The following UNC79 variants were observed in gnomAD, a reference collection of about 807,000 sequenced individuals.
UNC79 encodes unc-79 subunit of NALCN channel complex, also known as protein unc-79 homolog.
UNC79 carries 37 observed loss-of-function variants against 283.1 expected under a neutral mutation model. The observed-to-expected ratio is 0.13, with a 90% CI of 0.10 to 0.17. The LOEUF is 0.17. Ranked by LOEUF, UNC79 falls within the 10% of genes least tolerant of loss-of-function variation. The probability of loss-of-function intolerance (pLI) is 1.00; values close to 1 mark genes in which losing one functional copy is unlikely to be tolerated. For missense variants in UNC79, 2,272 were observed against 3,211.1 expected (o/e 0.71, Z 7.07); for synonymous variants, 1,107 against 1,200.2 (o/e 0.92, Z 1.61).
chr14:93,340,467 A>AGGC (rs1566878428), intron 1 of UNC79, among the ~76,000 whole-genome samples: 1 of 145,558 alleles, frequency 6.9e-6, no homozygotes, highest in African/African-American at 2.6e-5. Context: ...AAAAAAAAGA[A>AGGC]GGCCACCTAT....
At chr14:93,536,026 T>TA (rs767277565) in intron 11 of UNC79, among the ~76,000 whole-genome samples, 4 of 152,198 alleles carry the variant, frequency 2.6e-5, no homozygotes, top group African/African-American at 4.8e-5. Context: ...AGTTCAGGTG[T>TA]AGATGAGGCT....
intron 14 of UNC79, among the ~76,000 whole-genome samples, chr14:93,560,371 G>A (rs1181128875): frequency 6.6e-6 from 1 of 152,126 alleles, no homozygotes; most frequent in Non-Finnish European, 1.5e-5. Context: ...TCAGCAGTGA[G>A]TAAGTCAAGG....
chr14:93,575,549 G>A (rs2063427224), intron 17 of UNC79, among the ~76,000 whole-genome samples: 1 of 152,152 alleles, frequency 6.6e-6, no homozygotes, highest in Admixed American at 6.5e-5. Context: ...TGAGGAGTCT[G>A]GGAGGAGTTT....
chr14:93,474,292 A>G lies in UNC79; in HGVS notation c.347A>G (p.Asp116Gly). The G allele has an allele frequency of 2.0e-6, 3 of 1,536,002 alleles. No individual in the cohort carries two copies. Among genetic ancestry groups the G allele is most frequent in the Non-Finnish European group, 2.6e-6 (3 of 1,146,858 alleles). Residue 116 changes from aspartate (D) to glycine (G), a missense_variant, in exon 3 of 49, where the codon GAT becomes GGT. Asp to Gly is a moderately conservative substitution (Grantham distance 94). Around this residue, in one of 11 missense-constraint regions of UNC79, gnomAD observed 194 missense variants for 268.9 expected, o/e 0.72. Transcript: ENST00000555664. This position sits in a 1 kb window ranked among gnomAD's most constrained non-coding sequence, Gnocchi z 4.1. ...TCAGAACGCGGCCCGCAAAGTCGTG[A>G]TGCTCAGTTGTCAGACTACCCTTCT...
In UNC79 at chr14:93,474,515, C is replaced by T; in HGVS notation, c.448+122C>T. ...AATCACCTGAAAGGGCTTTGTGTGG[C>T]TAGAAGCACTACACTGAAACTTCAT... On this transcript the variant is annotated intron_variant, in intron 3 of 48. Coordinates refer to ENST00000555664, the Ensembl canonical transcript of UNC79. The surrounding 1 kb of genome is among the most constrained non-coding windows in gnomAD (Gnocchi z 4.1). 1 of 1,111,142 alleles carries T rather than the reference C, an allele frequency of 9.0e-7. No individual in the cohort carries two copies. The highest frequency in any genetic ancestry group is 1.6e-5 in the South Asian group (1 of 61,300). The allele number at this position is 1,111,142 out of a possible 1,614,324, so 68.8% of individuals were successfully genotyped here.
chr14:93,434,222 A>G (rs1377051838), intron 1 of UNC79, among the ~76,000 whole-genome samples: 1 of 151,922 alleles, frequency 6.6e-6, no homozygotes, highest in Non-Finnish European at 1.5e-5. Context: ...TCAAAAAGAA[A>G]AAAAAAAAGA....
intron 31 of UNC79, among the ~76,000 whole-genome samples, chr14:93,634,032 TG>T (rs751927041): frequency 3.3e-5 from 5 of 152,060 alleles, no homozygotes; most frequent in African/African-American, 4.8e-5. Flanking sequence ...CTCTAAAAAT[TG>T]GGGTTGATAT....
intron 7 of UNC79, 105 bp downstream of exon 7, chr14:93,497,391 A>T: frequency 7.3e-7 from 1 of 1,371,934 alleles, no homozygotes; most frequent in Non-Finnish European, 9.6e-7. Flanking sequence ...TATATTTTCT[A>T]TGCCTTTGGA....
chr14:93,347,208 C>T, intron 1 of UNC79: 3 of 1,511,028 alleles, frequency 2.0e-6, no homozygotes, highest in Non-Finnish European at 8.9e-7. Context: ...CTGGAGCTTG[C>T]GTTACTTGGC....
chr14:93,654,841 C>A (rs1027095376), intron 37 of UNC79, among the ~76,000 whole-genome samples: 1 of 152,164 alleles, frequency 6.6e-6, no homozygotes, highest in African/African-American at 2.4e-5. Flanking sequence ...AGCACTGCTG[C>A]AGGTCAGCTC....
intron 5 of UNC79, among the ~76,000 whole-genome samples, chr14:93,492,238 C>A (rs2058762871): frequency 6.6e-6 from 1 of 152,070 alleles, no homozygotes; most frequent in Admixed American, 6.5e-5. Flanking sequence ...CATAGGAGTA[C>A]TAAATAAATA....
intron 1 of UNC79, among the ~76,000 whole-genome samples, chr14:93,369,192 C>T (rs568030769): frequency 6.6e-6 from 1 of 152,196 alleles, no homozygotes; most frequent in East Asian, 1.9e-4. Context: ...AAAGGAAATA[C>T]ATTAGGTAGG....
intron 1 of UNC79, among the ~76,000 whole-genome samples, chr14:93,384,984 T>A (rs2054739912): frequency 6.6e-6 from 1 of 152,216 alleles, no homozygotes; most frequent in African/African-American, 2.4e-5. Flanking sequence ...CAAAAATGAG[T>A]TCATTGTAGA....
intron 1 of UNC79, among the ~76,000 whole-genome samples, chr14:93,460,506 C>CAA (rs33915324): frequency 1.4e-4 from 14 of 103,266 alleles, no homozygotes; most frequent in South Asian, 6.7e-4. Flanking sequence ...CAAGACTTCT[C>CAA]AAAAAAAAAA....
chr14:93,577,380 G>A (rs1021566874), intron 17 of UNC79, among the ~76,000 whole-genome samples: 2 of 152,150 alleles, frequency 1.3e-5, no homozygotes, highest in African/African-American at 4.8e-5. Context: ...AGTACAAAAG[G>A]TTTGTCATAT....
chr14:93,474,792 G>A lies in UNC79; in HGVS notation c.448+399G>A, dbSNP rs180729710. 1.7e-4 allele frequency among the ~76,000 whole-genome samples: 26 copies of A among 152,216 alleles called. No individual in the cohort carries two copies. Among genetic ancestry groups the A allele is most frequent in the South Asian group, 1.0e-3 (5 of 4,824 alleles). On this transcript the variant is annotated intron_variant, in intron 3 of 48. Transcript: ENST00000555664. The surrounding 1 kb of genome is among the most constrained non-coding windows in gnomAD (Gnocchi z 4.1). Reference sequence around the variant, plus strand: ...CAGGCTATAATCCACTGACTGATTCGGTAATTTTTGAGGGAGCAAATTCTC... The same window carrying A: ...CAGGCTATAATCCACTGACTGATTCAGTAATTTTTGAGGGAGCAAATTCTC...
intron 12 of UNC79, among the ~76,000 whole-genome samples, chr14:93,540,268 C>T (rs1188358610): frequency 6.6e-6 from 1 of 152,200 alleles, no homozygotes; most frequent in African/African-American, 2.4e-5. Flanking sequence ...GCACAAGCTC[C>T]TCAACCTTTC....
chr14:93,651,555 C>A (rs1399695375), intron 35 of UNC79, among the ~76,000 whole-genome samples: 1 of 151,990 alleles, frequency 6.6e-6, no homozygotes, highest in African/African-American at 2.4e-5. Context: ...TTAAAAATTT[C>A]AACTTTTTGT....
Position 93,691,748 on chromosome 14 carries a change from G to C in UNC79, c.7273-1G>C. On this transcript the variant is annotated splice_acceptor_variant, in intron 45 of 48. Coordinates refer to ENST00000555664, the Ensembl canonical transcript of UNC79. LOFTEE classifies it high-confidence loss of function. The stretch of plus-strand genomic sequence containing the variant: ...ACTGATGCCGTCTTCTTCCTTTTCA[G>C]ACCTCCGTGCTGCACATGTGCTCCC... 1 of 1,613,816 alleles carries C rather than the reference G, an allele frequency of 6.2e-7. No homozygotes were observed. The highest frequency in any genetic ancestry group is 1.7e-5 in the Admixed American group (1 of 60,022).
Sources: gnomAD v4.1 joint callset for allele counts (sites outside exome capture counted in the v4.1 genomes callset) on GRCh38, gnomAD v4.1.1 for gene constraint, gnomAD v4.1.1 regional missense constraint, Gnocchi (gnomAD v3.1) non-coding constraint, MANE v1.5 for transcripts, NCBI Gene and HGNC (gene_info 2026-07-23, HGNC 2026-07-21) for gene names.